The following KLHL29 variants were observed in gnomAD, a reference collection of about 807,000 sequenced individuals.
KLHL29 encodes the protein kelch like family member 29, also known as kelch-like protein 29.
Under a neutral mutation model 80.4 loss-of-function variants are expected in KLHL29, and 21 were observed. The ratio of observed to expected loss-of-function variants is 0.26; its 90% CI spans 0.19 to 0.38. The LOEUF (loss-of-function observed/expected upper bound fraction) is 0.38, where lower values mean the gene tolerates loss of function less well. KLHL29 is among the 10% of genes least tolerant of loss of function. KLHL29 has a pLI of 1.00. For synonymous variants in KLHL29, 511 were observed against 526.8 expected, an observed-to-expected ratio of 0.97 and a Z score of 0.41; for missense variants, 867 against 1,223.9, an observed-to-expected ratio of 0.71 and a Z score of 4.35.
chr2:23,634,925 C>T (rs190699796), intron 3 of KLHL29, among the ~76,000 whole-genome samples: 23 of 149,338 alleles, frequency 1.5e-4, no homozygotes, highest in Admixed American at 7.4e-4. Flanking sequence ...AACACTTTAG[C>T]TCAGAGACCC....
intron 1 of KLHL29, among the ~76,000 whole-genome samples, chr2:23,386,022 C>T (rs1211509927): frequency 6.6e-6 from 1 of 152,116 alleles, no homozygotes; most frequent in African/African-American, 2.4e-5. Context: ...AAACTTCCTG[C>T]CCCCGGGTGT....
In KLHL29 at chr2:23,684,608, C is replaced by G; in HGVS notation, c.1079+71C>G. On this transcript the variant is annotated intron_variant, in intron 6 of 13. Coordinates refer to ENST00000486442, the MANE Select transcript of KLHL29 (RefSeq NM_052920.2). The surrounding 1 kb of genome is among the most constrained non-coding windows in gnomAD (Gnocchi z 4.4). ...CGCTTTTGTGTCGCTTTTCTCTTCC[C>G]CTCTCTTGCAGGTTCCTGAAGCGTG... The G allele has an allele frequency of 1.4e-6, 2 of 1,385,134 alleles. No homozygotes were observed. The highest frequency in any genetic ancestry group is 3.0e-5 in the South Asian group (2 of 66,144). 85.8% of individuals were successfully genotyped at this position (1,385,134 alleles called of 1,614,324 possible).
intron 1 of KLHL29, among the ~76,000 whole-genome samples, chr2:23,402,259 C>G (rs1407779091): frequency 2.6e-5 from 4 of 152,188 alleles, no homozygotes; most frequent in African/African-American, 4.8e-5. Context: ...TTTTCACCCT[C>G]TCAGTGTTGA....
intron 2 of KLHL29, among the ~76,000 whole-genome samples, chr2:23,515,891 C>T (rs1412593050): frequency 6.6e-6 from 1 of 152,196 alleles, no homozygotes; most frequent in East Asian, 1.9e-4. Context: ...AGTTAGTGGG[C>T]ACAGAAGGAG....
intron 11 of KLHL29, among the ~76,000 whole-genome samples, chr2:23,699,701 C>G (rs1672236307): frequency 6.6e-6 from 1 of 152,206 alleles, no homozygotes; most frequent in African/African-American, 2.4e-5. Context: ...CGGCGCCCAG[C>G]CCTGGGGGCT....
At position 23,442,972 on chromosome 2, in the gene KLHL29, C is replaced by G. The variant is rs989375732; in HGVS notation, c.-153-32588C>G. Among the ~76,000 whole-genome samples, 5 of 152,268 alleles carry G rather than the reference C, an allele frequency of 3.3e-5. No individual in the cohort carries two copies. The East Asian group carries it at 7.7e-4, about 24-fold the overall frequency. ...GATGTTCCATTATCTATGCTTCCCA[C>G]TGGTTCCAAGTTGAAATTGTAGCTG... On this transcript the variant is annotated intron_variant, in intron 1 of 13. Transcript: ENST00000486442.
chr2:23,637,290 T>C (rs1312252909), intron 3 of KLHL29, among the ~76,000 whole-genome samples: 1 of 152,148 alleles, frequency 6.6e-6, no homozygotes, highest in Non-Finnish European at 1.5e-5. Flanking sequence ...GGATAGATCC[T>C]TCAGACAGGG....
chr2:23,670,920 C>A (rs1230753875), intron 5 of KLHL29, among the ~76,000 whole-genome samples: 2 of 1,680 alleles, frequency 1.2e-3, no homozygotes, highest in African/African-American at 4.2e-3. Flanking sequence ...TGCACGCGCT[C>A]TCTCTCTCTC....
chr2:23,419,253 A>C (rs974764581), intron 1 of KLHL29, among the ~76,000 whole-genome samples: 2 of 152,236 alleles, frequency 1.3e-5, no homozygotes, highest in African/African-American at 2.4e-5. Context: ...CCCTCTGGCC[A>C]GAACTGTCCC....
chr2:23,665,176 C>T (rs1386219713), intron 5 of KLHL29, among the ~76,000 whole-genome samples: 2 of 152,168 alleles, frequency 1.3e-5, no homozygotes, highest in Non-Finnish European at 2.9e-5. Flanking sequence ...ACAGTGAGGC[C>T]AGCCTGTGTA....
rs762771523 is a variant in KLHL29 at position 23,413,607 on chromosome 2, C to T, written c.-154+27827C>T. 7.2e-5 allele frequency among the ~76,000 whole-genome samples: 11 copies of T among 152,258 alleles called. No individual in the cohort carries two copies. The South Asian group carries it at 1.0e-3, about 14-fold the overall frequency. On this transcript the variant is annotated intron_variant, in intron 1 of 13. Transcript: ENST00000486442. ...ATGAGTCTCCACCCCTGGGGAGAGA[C>T]GGGAGAAAGAACAACCTGCTCCCCA...
chr2:23,663,953 T>G (rs1390878966), intron 5 of KLHL29, among the ~76,000 whole-genome samples: 1 of 152,230 alleles, frequency 6.6e-6, no homozygotes, highest in Non-Finnish European at 1.5e-5. Flanking sequence ...TAATCCTGGT[T>G]AAAACTTGGA....
intron 2 of KLHL29, among the ~76,000 whole-genome samples, chr2:23,517,206 T>C (rs948830632): frequency 1.3e-5 from 2 of 152,180 alleles, no homozygotes; most frequent in African/African-American, 4.8e-5. Flanking sequence ...AGCTCTTTTT[T>C]CTTTAAACTT....
At chr2:23,553,995 G>C (rs1330583670) in intron 2 of KLHL29, among the ~76,000 whole-genome samples, 1 of 152,192 alleles carries the variant, frequency 6.6e-6, no homozygotes, top group Non-Finnish European at 1.5e-5. Flanking sequence ...CAGCAGAGGA[G>C]GCCAGTGTGG....
rs148088598 is a variant in KLHL29 at position 23,696,969 on chromosome 2, CG to C, written c.2105+462del. The C allele has an allele frequency of 0.033, 5,250 of 161,516 alleles. 109 individuals carry two copies. Among genetic ancestry groups the C allele is most frequent in the South Asian group, 0.082 (477 of 5,810 alleles). The allele number at this position is 161,516 out of a possible 1,614,324, so 10.0% of individuals were successfully genotyped here. A position where few individuals can be genotyped will look rare whatever the true frequency, so the allele number is the denominator to read the frequency against. ...GGCGGTGCCTCCTTGTCCTGCCAAG[CG>C]GGGGGTCCCACACCAGGGAGCTCCC... On this transcript the variant is annotated intron_variant, in intron 11 of 13. Coordinates refer to ENST00000486442, the MANE Select transcript of KLHL29 (RefSeq NM_052920.2). The surrounding 1 kb of genome is among the most constrained non-coding windows in gnomAD (Gnocchi z 5.5).
chr2:23,638,944 A>G (rs1413366077), intron 3 of KLHL29, among the ~76,000 whole-genome samples, 195 bp from the exon 4 acceptor site: 1 of 152,154 alleles, frequency 6.6e-6, no homozygotes, highest in East Asian at 1.9e-4. Context: ...AGCTGCTACT[A>G]CTATGGCAGA....
intron 1 of KLHL29, among the ~76,000 whole-genome samples, chr2:23,472,467 C>G (rs1664519933): frequency 6.6e-6 from 1 of 152,146 alleles, no homozygotes. Flanking sequence ...AACCCTGTCT[C>G]TACTAAAAAT....
intron 5 of KLHL29, chr2:23,671,883 C>A (rs1053285974): frequency 3.9e-5 from 6 of 152,346 alleles, no homozygotes; most frequent in African/African-American, 1.4e-4. Flanking sequence ...GTCTCTGTGA[C>A]GGGCCTGGCT....
chr2:23,543,786 C>A (rs988172425), intron 2 of KLHL29, among the ~76,000 whole-genome samples: 1 of 152,194 alleles, frequency 6.6e-6, no homozygotes, highest in African/African-American at 2.4e-5. Flanking sequence ...GGAGGAATTG[C>A]GTCGTGGATG....
Sources: allele counts gnomAD v4.1 joint callset (sites outside exome capture counted in the v4.1 genomes callset), GRCh38; gene constraint gnomAD v4.1.1; non-coding constraint Gnocchi (gnomAD v3.1); transcripts MANE v1.5; gene names NCBI Gene and HGNC (gene_info 2026-07-23, HGNC 2026-07-21).